The following CPEB1 variants were observed in gnomAD, a reference collection of about 807,000 sequenced individuals.
The protein encoded by CPEB1 is cytoplasmic polyadenylation element binding protein 1.
In CPEB1, 7 loss-of-function variants were observed where a neutral mutation model predicts 65.8. That is an observed-to-expected ratio of 0.11 (90% CI 0.06 to 0.20). The LOEUF is 0.20. Ranked by LOEUF, CPEB1 falls within the 10% of genes least tolerant of loss-of-function variation. CPEB1 has a pLI of 1.00. For synonymous variants in CPEB1, 262 were observed against 260.0 expected (o/e 1.01, Z -0.08); for missense variants, 551 against 712.2 (o/e 0.77, Z 2.58).
intron 3 of CPEB1, among the ~76,000 whole-genome samples, chr15:82,605,348 T>G (rs2043470594): frequency 6.6e-6 from 1 of 152,036 alleles, no homozygotes; most frequent in Admixed American, 6.6e-5. Flanking sequence ...GAGTATATTT[T>G]TGTCTTTTTT....
intron 1 of CPEB1, chr15:82,633,087 G>C (rs1212193359): frequency 2.0e-5 from 3 of 152,092 alleles, no homozygotes; most frequent in African/African-American, 7.2e-5. Context: ...GTCACTTGTA[G>C]CTTTTTTTTG....
chr15:82,648,152 A>G (rs1273526244), upstream of CPEB1: 2 of 344,632 alleles, frequency 5.8e-6, no homozygotes, highest in East Asian at 4.3e-5. Context: ...CCCGGCGGGG[A>G]CTGCCGCCGC....
At chr15:82,613,224 T>C (rs2151256842) in intron 3 of CPEB1, among the ~76,000 whole-genome samples, 1 of 152,302 alleles carries the variant, frequency 6.6e-6, no homozygotes, top group Non-Finnish European at 1.5e-5. Flanking sequence ...ACAACTTGAG[T>C]TAATTCCAGG....
At chr15:82,590,137 A>G (rs1195507453) in intron 3 of CPEB1, among the ~76,000 whole-genome samples, 3 of 148,932 alleles carry the variant, frequency 2.0e-5, no homozygotes, top group Admixed American at 1.4e-4. Context: ...CACAACATCT[A>G]GAAGAGTTTA....
chr15:82,617,294 T>C (rs1165146916), intron 3 of CPEB1, among the ~76,000 whole-genome samples: 1 of 152,260 alleles, frequency 6.6e-6, no homozygotes, highest in East Asian at 1.9e-4. Flanking sequence ...TATCCATTCA[T>C]CTATTGATGG....
rs1567231483 is a variant in CPEB1 at position 82,626,624 on chromosome 15, AATAG to A, written c.271+565_271+568del. On this transcript the variant is annotated intron_variant, in intron 3 of 12. Coordinates refer to ENST00000684509, the MANE Select transcript of CPEB1 (RefSeq NM_001365242.1). The stretch of plus-strand genomic sequence containing the variant: ...ATCTCCACTATTCCTTGGAGTATCC[AATAG>A]ATACAGAAACTAAATGCGTGCTGAC... Among the ~76,000 whole-genome samples, 2 of 152,204 alleles carry A rather than the reference AATAG, an allele frequency of 1.3e-5. 1 individual carries two copies. Among genetic ancestry groups the A allele is most frequent in the African/African-American group, 4.8e-5 (2 of 41,446 alleles).
At chr15:82,589,152 T>C (rs1179002542) in intron 3 of CPEB1, among the ~76,000 whole-genome samples, 3 of 152,254 alleles carry the variant, frequency 2.0e-5, no homozygotes, top group African/African-American at 7.2e-5. Context: ...CCCTATGTTA[T>C]CTGTGCTTTA....
At chr15:82,595,653 T>C (rs1402448976) in intron 3 of CPEB1, among the ~76,000 whole-genome samples, 2 of 152,212 alleles carry the variant, frequency 1.3e-5, no homozygotes, top group African/African-American at 2.4e-5. Context: ...CTCAATATTA[T>C]GAAAGAAAGT....
chr15:82,592,641 T>A (rs2042351573), intron 3 of CPEB1, among the ~76,000 whole-genome samples: 1 of 152,038 alleles, frequency 6.6e-6, no homozygotes, highest in Non-Finnish European at 1.5e-5. Context: ...AGCATTGATG[T>A]CTTTTTAAGA....
chr15:82,604,961 A>G (rs566716697), intron 3 of CPEB1, among the ~76,000 whole-genome samples: 64 of 152,250 alleles, frequency 4.2e-4, no homozygotes, highest in Non-Finnish European at 7.9e-4. Context: ...AAATGGTCAA[A>G]AGCCGGAGAC....
At chr15:82,629,967 T>C (rs1049062725) in intron 1 of CPEB1, 77 of 985,316 alleles carry the variant, frequency 7.8e-5, no homozygotes, top group Middle Eastern at 5.2e-4. Flanking sequence ...TCCTACAAGG[T>C]TGTTTTCCCA....
chr15:82,568,125 A>T lies in CPEB1; in HGVS notation c.460+3219T>A, dbSNP rs187459660. ...AAGCATATGAATTTTGTAACCAGAG[A>T]CCTGGGTTAGAATTCTGAGCCTTCC... On this transcript the variant is annotated intron_variant, in intron 4 of 12. Transcript: ENST00000684509. Among the ~76,000 whole-genome samples, 88 of 152,302 alleles carry T rather than the reference A, an allele frequency of 5.8e-4. No individual in the cohort carries two copies. The East Asian group carries it at 0.016, about 28-fold the overall frequency.
intron 9 of CPEB1, 135 bp from the exon 10 acceptor site, chr15:82,549,793 C>A: frequency 1.3e-6 from 1 of 786,308 alleles, no homozygotes; most frequent in Non-Finnish European, 2.1e-6. Context: ...TGCTGTTGCC[C>A]AATCTCAGGC....
intron 3 of CPEB1, among the ~76,000 whole-genome samples, chr15:82,579,628 C>T (rs2041032690): frequency 1.3e-5 from 2 of 151,904 alleles, no homozygotes. Flanking sequence ...GACTCTCAAG[C>T]ACGGCCGGGC....
At chr15:82,596,146 A>G (rs1156534313) in intron 3 of CPEB1, among the ~76,000 whole-genome samples, 2 of 152,186 alleles carry the variant, frequency 1.3e-5, no homozygotes, top group East Asian at 3.8e-4. Context: ...ACAATCACAG[A>G]ATCACAATGC....
intron 3 of CPEB1, chr15:82,571,952 G>T: frequency 1.4e-6 from 1 of 734,304 alleles, no homozygotes; most frequent in Non-Finnish European, 1.7e-6. Context: ...CCGGTGCAGT[G>T]CCGTTAAGTC....
At chr15:82,607,843 G>C (rs944551897) in intron 3 of CPEB1, among the ~76,000 whole-genome samples, 3 of 152,064 alleles carry the variant, frequency 2.0e-5, no homozygotes, top group Non-Finnish European at 4.4e-5. Flanking sequence ...AACAAAAACT[G>C]ACAGAAATGA....
intron 3 of CPEB1, among the ~76,000 whole-genome samples, chr15:82,610,370 A>AT (rs2044016075): frequency 6.6e-6 from 1 of 152,180 alleles, no homozygotes; most frequent in Non-Finnish European, 1.5e-5. Flanking sequence ...TGAAGCAAGT[A>AT]TTTCCCTGAT....
At chr15:82,624,037 G>C (rs1250410414) in intron 3 of CPEB1, among the ~76,000 whole-genome samples, 1 of 152,150 alleles carries the variant, frequency 6.6e-6, no homozygotes, top group Non-Finnish European at 1.5e-5. Context: ...CTTTTGATCA[G>C]AAGCTACAAG....
Sources: allele counts gnomAD v4.1 joint callset (sites outside exome capture counted in the v4.1 genomes callset), GRCh38; gene constraint gnomAD v4.1.1; transcripts MANE v1.5; gene names NCBI Gene and HGNC (gene_info 2026-07-23, HGNC 2026-07-21).